TANGO6: variants seen among roughly 807,000 people sequenced by gnomAD.
TANGO6 encodes transport and golgi organization 6 homolog, also known as transport and Golgi organization protein 6 homolog.
Under a neutral mutation model 114.2 loss-of-function variants are expected in TANGO6, and 90 were observed. The ratio of observed to expected loss-of-function variants is 0.79; its 90% CI spans 0.66 to 0.94. TANGO6 has a LOEUF of 0.94. TANGO6 is among the 40% of genes least tolerant of loss of function. The pLI is 0.00. For synonymous variants in TANGO6, 477 were observed against 509.8 expected (o/e 0.94, Z 0.87); for missense variants, 1,274 against 1,315.3 (o/e 0.97, Z 0.49).
chr16:68,982,375 G>C (rs1212279377), intron 15 of TANGO6, among the ~76,000 whole-genome samples: 1 of 151,864 alleles, frequency 6.6e-6, no homozygotes, highest in African/African-American at 2.4e-5. Context: ...TCACTTTGTC[G>C]CCCAGGCTGG....
intron 13 of TANGO6, among the ~76,000 whole-genome samples, chr16:68,929,522 G>C (rs1963213261): frequency 6.6e-6 from 1 of 152,164 alleles, no homozygotes; most frequent in Admixed American, 6.5e-5. Flanking sequence ...GCATCAAGTT[G>C]ATGTCAAGAA....
intron 17 of TANGO6, among the ~76,000 whole-genome samples, chr16:69,057,782 G>A (rs915477315): frequency 4.6e-5 from 7 of 152,138 alleles, no homozygotes; most frequent in African/African-American, 4.8e-5. Flanking sequence ...TCAGGCACCC[G>A]GGTTTCCTGA....
At chr16:68,870,820 C>T (rs1446370533) in intron 4 of TANGO6, among the ~76,000 whole-genome samples, 2 of 147,886 alleles carry the variant, frequency 1.4e-5, no homozygotes, top group Admixed American at 6.8e-5. Flanking sequence ...TTTTTTGAGA[C>T]GGAATTTCGC....
rs542283761 is a variant in TANGO6 at position 68,960,327 on chromosome 16, C to T, written c.2702-13701C>T. On this transcript the variant is annotated intron_variant, in intron 14 of 17. Coordinates refer to ENST00000261778, the MANE Select transcript of TANGO6 (RefSeq NM_024562.2). Reference sequence around the variant, plus strand: ...TTTTTTTTTTTTTCTGTACGTACTCCAGAACCTTGATCATCATGGTGTTCT... The same window carrying T: ...TTTTTTTTTTTTTCTGTACGTACTCTAGAACCTTGATCATCATGGTGTTCT... Among the ~76,000 whole-genome samples the T allele has an allele frequency of 3.4e-5, 5 of 148,954 alleles. No individual in the cohort carries two copies. The East Asian group carries it at 7.8e-4, about 23-fold the overall frequency.
intron 14 of TANGO6, among the ~76,000 whole-genome samples, chr16:68,965,708 G>C (rs987947139): frequency 2.0e-5 from 3 of 151,884 alleles, no homozygotes; most frequent in Non-Finnish European, 4.4e-5. Context: ...GGCTGAGGCA[G>C]GAAGATTGCT....
chr16:68,861,446 A>T (rs1307988590), intron 2 of TANGO6, among the ~76,000 whole-genome samples: 1 of 152,196 alleles, frequency 6.6e-6, no homozygotes, highest in Non-Finnish European at 1.5e-5. Flanking sequence ...AAGTGTTGGC[A>T]TGAAATTCTG....
chr16:68,961,400 C>T (rs1337484946), intron 14 of TANGO6, among the ~76,000 whole-genome samples: 2 of 152,188 alleles, frequency 1.3e-5, no homozygotes, highest in African/African-American at 4.8e-5. Context: ...CACCTCCGTT[C>T]CTCAACTCTT....
At chr16:68,852,299 C>T (rs1315668577) in intron 1 of TANGO6, among the ~76,000 whole-genome samples, 1 of 152,130 alleles carries the variant, frequency 6.6e-6, no homozygotes, top group Non-Finnish European at 1.5e-5. Flanking sequence ...ACTCAACAAA[C>T]ACCTGTTATG....
chr16:68,930,857 G>A (rs760915304), intron 14 of TANGO6, among the ~76,000 whole-genome samples: 6 of 151,910 alleles, frequency 3.9e-5, no homozygotes, highest in East Asian at 1.9e-4. Flanking sequence ...GGCTGGACTC[G>A]AACTCCTGAC....
chr16:68,920,014 T>G (rs1401769720), intron 12 of TANGO6, among the ~76,000 whole-genome samples: 1 of 152,200 alleles, frequency 6.6e-6, no homozygotes, highest in Non-Finnish European at 1.5e-5. Context: ...GCCATTGCAC[T>G]CCAGCCTGGG....
chr16:68,898,713 A>G (rs1962741988), intron 7 of TANGO6, among the ~76,000 whole-genome samples: 1 of 152,144 alleles, frequency 6.6e-6, no homozygotes, highest in African/African-American at 2.4e-5. Flanking sequence ...CTAGCTCTTT[A>G]AAGAATCTAG....
At chr16:69,005,446 C>G (rs1211913522) in intron 15 of TANGO6, among the ~76,000 whole-genome samples, 1 of 152,100 alleles carries the variant, frequency 6.6e-6, no homozygotes, top group East Asian at 1.9e-4. Flanking sequence ...GTCTTATGGC[C>G]ACTTTCCCAT....
intron 1 of TANGO6, among the ~76,000 whole-genome samples, chr16:68,850,826 C>G (rs1200370740): frequency 1.3e-5 from 2 of 152,080 alleles, no homozygotes; most frequent in Non-Finnish European, 1.5e-5. Context: ...GTTTGGTGAC[C>G]TTTGACATAG....
intron 12 of TANGO6, among the ~76,000 whole-genome samples, chr16:68,924,258 C>T (rs1235079636): frequency 3.9e-5 from 6 of 152,196 alleles, no homozygotes; most frequent in African/African-American, 1.2e-4. Flanking sequence ...TTATACACAT[C>T]GTTAAAGATT....
intron 12 of TANGO6, among the ~76,000 whole-genome samples, chr16:68,926,454 A>G (rs946498389): frequency 1.3e-5 from 2 of 151,456 alleles, no homozygotes; most frequent in African/African-American, 4.8e-5. Flanking sequence ...AGATTACGCC[A>G]TTGCACTCCA....
chr16:68,863,487 G>T (rs914484699), intron 3 of TANGO6, among the ~76,000 whole-genome samples: 13 of 152,154 alleles, frequency 8.5e-5, no homozygotes, highest in Non-Finnish European at 1.5e-4. Context: ...GTGCATGCCT[G>T]CAATCCCAGC....
intron 15 of TANGO6, among the ~76,000 whole-genome samples, chr16:69,009,047 T>G (rs752926163): frequency 4.6e-5 from 7 of 151,740 alleles, no homozygotes; most frequent in Non-Finnish European, 1.0e-4. Flanking sequence ...AAAAACCAAT[T>G]GAACATAAAC....
chr16:68,934,512 G>A (rs770113142), intron 14 of TANGO6, among the ~76,000 whole-genome samples: 10 of 152,150 alleles, frequency 6.6e-5, no homozygotes, highest in African/African-American at 1.2e-4. Flanking sequence ...AAAGCTCTAC[G>A]AGTAACGGGT....
At position 68,956,835 on chromosome 16, in the gene TANGO6, G is replaced by A. The variant is rs577699258; in HGVS notation, c.2702-17193G>A. 6.6e-5 allele frequency among the ~76,000 whole-genome samples: 10 copies of A among 152,038 alleles called. No individual in the cohort carries two copies. The East Asian group carries it at 7.7e-4, about 12-fold the overall frequency. On this transcript the variant is annotated intron_variant, in intron 14 of 17. Transcript: ENST00000261778. ...GCCACTGCACTCCAGCCTGGGCGAC[G>A]GAGTAAGTCTCTGTCTCAAAAGAAA... is the stretch of plus-strand genomic sequence containing the variant.
Sources: allele counts gnomAD v4.1 joint callset (sites outside exome capture counted in the v4.1 genomes callset), GRCh38; gene constraint gnomAD v4.1.1; transcripts MANE v1.5; gene names NCBI Gene and HGNC (gene_info 2026-07-23, HGNC 2026-07-21).